Variants in ELP5 observed in about 807,000 individuals in gnomAD.
ELP5 encodes elongator acetyltransferase complex subunit 5.
ELP5 carries 34 observed loss-of-function variants against 33.4 expected under a neutral mutation model. The ratio of observed to expected loss-of-function variants is 1.02; its 90% CI spans 0.78 to 1.36. The LOEUF (loss-of-function observed/expected upper bound fraction) is 1.36, where lower values mean the gene tolerates loss of function less well. ELP5 is among the 40% of genes most tolerant of loss of function. The probability of loss-of-function intolerance (pLI) is 0.00; values close to 1 mark genes in which losing one functional copy is unlikely to be tolerated. For synonymous variants in ELP5, 161 were observed against 146.4 expected (o/e 1.10, Z -0.72); for missense variants, 373 against 371.7 (o/e 1.00, Z -0.03).
rs544304442 is a variant in ELP5, at chr17:7,252,995, A to T, written c.185A>T (p.Asn62Ile). ...FREGFDSDIN[N>I]RLVYHDFFRD... is the part of the protein sequence containing the mutation. ...GAAGGTTTTGACTCTGATATCAACA[A>T]TCGGTAAGTACCAGTTGGAAGAGAT... The change falls in exon 3 of 8, where the codon AAT (asparagine) becomes ATT (isoleucine). Residue 62 changes from asparagine to isoleucine, a missense_variant. Transcript: ENST00000396628. 1.2e-6 allele frequency: 2 copies of T among 1,614,076 alleles called. No homozygotes were observed. The highest frequency in any genetic ancestry group is 2.2e-5 in the East Asian group (1 of 44,876).
intron 3 of ELP5, among the ~76,000 whole-genome samples, chr17:7,253,789 A>G (rs866487426): frequency 6.6e-6 from 1 of 152,164 alleles, no homozygotes; most frequent in Non-Finnish European, 1.5e-5. Context: ...TGAGGTCTGG[A>G]GTTCGAGACC....
At position 7,259,897 on chromosome 17, in the gene ELP5, C is replaced by A; in HGVS notation, c.*212C>A. On this transcript the variant is annotated 3_prime_UTR_variant, in exon 8 of 8. Transcript: ENST00000396628. The stretch of plus-strand genomic sequence containing the variant: ...TGGGGTAATGTGAGAGAGTAGAACA[C>A]CCCCGTACCTAATAAAAATCTTTAT... 3 of 593,024 alleles carry A rather than the reference C, an allele frequency of 5.1e-6. No individual in the cohort carries two copies. Among genetic ancestry groups the A allele is most frequent in the Non-Finnish European group, 7.8e-6 (3 of 382,244 alleles). 36.7% of individuals were successfully genotyped at this position (593,024 alleles called of 1,614,324 possible).
At position 7,257,018 on chromosome 17, in the gene ELP5, C is replaced by A. The variant is rs775086270; in HGVS notation, c.571C>A (p.Arg191=). ...ASAHILCRRP[R]QRPTDQTQWF... is the part of the protein sequence containing the mutation. Reference sequence around the variant, plus strand: ...GGCCCACATCCTGTGTCGGAGGCCCCGACAGCGCCCAACTGACCAGGTCAG... The same window carrying A: ...GGCCCACATCCTGTGTCGGAGGCCCAGACAGCGCCCAACTGACCAGGTCAG... Residue 191 remains arginine, a synonymous_variant, in exon 5 of 8, where the codon CGA becomes AGA. Coordinates refer to ENST00000396628, the MANE Select transcript of ELP5 (RefSeq NM_203414.3). The A allele has an allele frequency of 6.3e-7, 1 of 1,596,904 alleles. No homozygotes were observed. Among genetic ancestry groups the A allele is most frequent in the South Asian group, 1.1e-5 (1 of 89,750 alleles).
chr17:7,254,460 T>C (rs1597582112), intron 3 of ELP5, 123 bp from the exon 4 acceptor site: 2 of 704,548 alleles, frequency 2.8e-6, no homozygotes, highest in Non-Finnish European at 4.6e-6. Context: ...AGTAATTATC[T>C]TTCACTAATA....
intron 7 of ELP5, chr17:7,259,339 C>T: frequency 7.2e-7 from 1 of 1,397,658 alleles, no homozygotes; most frequent in Non-Finnish European, 9.3e-7. Context: ...AGATCCTTGC[C>T]CTCAAGCTGC....
intron 4 of ELP5, 166 bp downstream of exon 4, chr17:7,254,969 C>G: frequency 3.4e-6 from 2 of 590,880 alleles, no homozygotes; most frequent in Non-Finnish European, 5.9e-6. Flanking sequence ...CTCCTTAATG[C>G]CATCTACCAT....
chr17:7,254,501 G>C (rs1283017905), intron 3 of ELP5, 82 bp from the exon 4 acceptor site: 1 of 970,784 alleles, frequency 1.0e-6, no homozygotes, highest in African/African-American at 1.6e-5. Flanking sequence ...TGAGAAAACA[G>C]CCATAAAGAT....
chr17:7,253,334 G>A (rs926337041), intron 3 of ELP5, among the ~76,000 whole-genome samples: 1 of 152,212 alleles, frequency 6.6e-6, no homozygotes, highest in African/African-American at 2.4e-5. Context: ...CAAGATACTG[G>A]AGACGGCAGT....
intron 3 of ELP5, among the ~76,000 whole-genome samples, chr17:7,254,153 A>C (rs914045777): frequency 6.6e-6 from 1 of 152,240 alleles, no homozygotes; most frequent in African/African-American, 2.4e-5. Context: ...AAGCTGTTCT[A>C]CAGGCAGGAC....
In ELP5 at chr17:7,252,760, C is replaced by A; in HGVS notation, c.47-10C>A. 1.3e-5 allele frequency: 21 copies of A among 1,614,014 alleles called. No individual in the cohort carries two copies. The highest frequency in any genetic ancestry group is 1.8e-5 in the Non-Finnish European group (21 of 1,179,974). On this transcript the variant is annotated splice_polypyrimidine_tract_variant and intron_variant, in intron 1 of 7. Transcript: ENST00000396628. ...GCTCTCATACCCTTTATCCGTCCCT[C>A]GCTCTGCAGATTCCGTGGAGTGGGA...
At chr17:7,259,385 G>A in intron 7 of ELP5, 186 bp from the exon 8 acceptor site, 3 of 1,430,946 alleles carry the variant, frequency 2.1e-6, no homozygotes, top group Non-Finnish European at 1.8e-6. Flanking sequence ...AGCAGTACAA[G>A]GGTATCTATC....
chr17:7,252,054 C>T (rs1165011252), upstream of ELP5: 1 of 224,376 alleles, frequency 4.5e-6, no homozygotes, highest in East Asian at 1.4e-4. Context: ...TTCACCGGGA[C>T]TAAGTTCCTC....
At position 7,254,826 on chromosome 17, in the gene ELP5, T is replaced by G. The variant is rs180860147; in HGVS notation, c.409+23T>G. On this transcript the variant is annotated intron_variant, in intron 4 of 7. Transcript: ENST00000396628. ...CTGGTGAGACCCCTCCTTCATTGTT[T>G]CCCCTCATACATCTCCCTCTGCCAA... 8 of 1,597,038 alleles carry G rather than the reference T, an allele frequency of 5.0e-6. No individual in the cohort carries two copies. The Admixed American group carries it at 1.3e-4, about 27-fold the overall frequency.
intron 3 of ELP5, among the ~76,000 whole-genome samples, chr17:7,254,185 T>C (rs1041960447): frequency 2.0e-5 from 3 of 152,194 alleles, no homozygotes; most frequent in Admixed American, 1.3e-4. Flanking sequence ...TCCTCTGCTT[T>C]CTCTTTTTTC....
At chr17:7,254,430 A>G (rs2143000513) in intron 3 of ELP5, among the ~76,000 whole-genome samples, 153 bp from the exon 4 acceptor site, 1 of 152,266 alleles carries the variant, frequency 6.6e-6, no homozygotes, top group Non-Finnish European at 1.5e-5. Flanking sequence ...TGTGCTCTCA[A>G]TCACTGTATG....
chr17:7,259,790 C>T lies in ELP5; in HGVS notation c.*105C>T. The T allele has an allele frequency of 6.7e-7, 1 of 1,502,950 alleles. No homozygotes were observed. Among genetic ancestry groups the T allele is most frequent in the Non-Finnish European group, 8.9e-7 (1 of 1,125,930 alleles). 93.1% of individuals were successfully genotyped at this position (1,502,950 alleles called of 1,614,324 possible). ...TTAGCCTTACCCTGTCCCTGCCCCACCTTGGTTCCCCTTGTCTATGGAGCC... is the reference window on the plus strand; with the variant it reads ...TTAGCCTTACCCTGTCCCTGCCCCATCTTGGTTCCCCTTGTCTATGGAGCC... On this transcript the variant is annotated 3_prime_UTR_variant, in exon 8 of 8. Coordinates refer to ENST00000396628, the MANE Select transcript of ELP5 (RefSeq NM_203414.3).
intron 5 of ELP5, 29 bp from the exon 6 acceptor site, chr17:7,258,559 A>G: frequency 6.2e-7 from 1 of 1,609,098 alleles, no homozygotes; most frequent in Non-Finnish European, 8.5e-7. Flanking sequence ...CAGTAAGATG[A>G]AAAAAACTCT....
Position 7,257,052 on chromosome 17 carries a change from A to G in ELP5, c.591+14A>G. 2.6e-6 allele frequency: 4 copies of G among 1,538,108 alleles called. No homozygotes were observed. Among genetic ancestry groups the G allele is most frequent in the Non-Finnish European group, 3.5e-6 (4 of 1,147,200 alleles). On this transcript the variant is annotated intron_variant, in intron 5 of 7. Transcript: ENST00000396628. ...CCAACTGACCAGGTCAGAAGAACCA[A>G]CAGAGAAGGACTGGAAACGGGGGAC...
chr17:7,259,692 A>T lies in ELP5; in HGVS notation c.*7A>T. On this transcript the variant is annotated 3_prime_UTR_variant, in exon 8 of 8. Transcript: ENST00000396628. ...TGACGACCTGGATATTTGACTGGCC[A>T]GATTTGATTAGATTGTAATTGGAGG... The T allele has an allele frequency of 6.2e-7, 1 of 1,614,176 alleles. No homozygotes were observed. The highest frequency in any genetic ancestry group is 8.5e-7 in the Non-Finnish European group (1 of 1,180,028).
Sources: gnomAD v4.1 joint callset for allele counts (sites outside exome capture counted in the v4.1 genomes callset) on GRCh38, gnomAD v4.1.1 for gene constraint, MANE v1.5 for transcripts, NCBI Gene and HGNC (gene_info 2026-07-23, HGNC 2026-07-21) for gene names.